The following PTPRJ variants were observed in gnomAD, a reference collection of about 807,000 sequenced individuals.
The protein encoded by PTPRJ is protein tyrosine phosphatase receptor type J.
PTPRJ carries 129 observed loss-of-function variants against 141.3 expected under a neutral mutation model. That is an observed-to-expected ratio of 0.91 (90% confidence interval 0.79 to 1.06). The LOEUF (loss-of-function observed/expected upper bound fraction) is 1.06. Among genes scored for constraint, PTPRJ ranks in the 50% least tolerant of loss-of-function variants. PTPRJ has a pLI of 0.00. For missense variants in PTPRJ, 1,601 were observed against 1,679.7 expected, an observed-to-expected ratio of 0.95 and a Z score of 0.82; for synonymous variants, 610 against 640.5, an observed-to-expected ratio of 0.95 and a Z score of 0.72.
chr11:48,086,477 A>G (rs1276234335), intron 1 of PTPRJ, among the ~76,000 whole-genome samples: 2 of 152,222 alleles, frequency 1.3e-5, no homozygotes, highest in Non-Finnish European at 2.9e-5. Context: ...CAGCCCAGAA[A>G]GGACATTTAT....
rs141422146 is a variant in PTPRJ, at chr11:48,127,443, CAT to C, written c.1094-336_1094-335del. ...TAGATCGCAGTGTTCGCTCTTGCATCATGTGTGTTTGACAACTTTTCTGGGTG... is the reference window on the plus strand; with the variant it reads ...TAGATCGCAGTGTTCGCTCTTGCATCGTGTGTTTGACAACTTTTCTGGGTG... On this transcript the variant is annotated intron_variant, in intron 6 of 24. Coordinates refer to ENST00000418331, the MANE Select transcript of PTPRJ (RefSeq NM_002843.4). Among the ~76,000 whole-genome samples, 1,278 of 152,284 alleles carry C rather than the reference CAT, an allele frequency of 8.4e-3. 22 individuals are homozygous for C. The highest frequency in any genetic ancestry group is 0.029 in the African/African-American group (1,208 of 41,554).
At chr11:48,118,277 G>T (rs959121440) in intron 3 of PTPRJ, among the ~76,000 whole-genome samples, 4 of 152,226 alleles carry the variant, frequency 2.6e-5, no homozygotes, top group African/African-American at 7.2e-5. Context: ...TAGAGATGGG[G>T]TCTCACTGTG....
At chr11:48,113,849 A>C (rs1856498419) in intron 3 of PTPRJ, among the ~76,000 whole-genome samples, 1 of 152,180 alleles carries the variant, frequency 6.6e-6, no homozygotes, top group Non-Finnish European at 1.5e-5. Context: ...CTAATACAGT[A>C]TGGTAAATAT....
chr11:48,024,406 C>T lies in PTPRJ; in HGVS notation c.96+43398C>T, dbSNP rs138536840. On this transcript the variant is annotated intron_variant, in intron 1 of 24. Coordinates refer to ENST00000418331, the MANE Select transcript of PTPRJ (RefSeq NM_002843.4). ...ACAGGCAGGGTTTCACCATATTGGT[C>T]GGGCTGGTCTCGAACTCCTGACCTC... is the stretch of plus-strand genomic sequence containing the variant. Among the ~76,000 whole-genome samples, 14 of 152,254 alleles carry T rather than the reference C, an allele frequency of 9.2e-5. No homozygotes were observed. In the East Asian group the frequency reaches 1.5e-3, roughly 17 times the overall value.
At chr11:48,149,713 C>A in intron 16 of PTPRJ, 1 of 530,252 alleles carries the variant, frequency 1.9e-6, no homozygotes, top group South Asian at 2.8e-5. Flanking sequence ...CCAATAAATA[C>A]GGATTTCTTG....
intron 1 of PTPRJ, among the ~76,000 whole-genome samples, chr11:48,084,409 C>T (rs1424957229): frequency 6.6e-6 from 1 of 152,180 alleles, no homozygotes; most frequent in African/African-American, 2.4e-5. Context: ...GTCTCGAACT[C>T]CTGACCTCAA....
intron 1 of PTPRJ, among the ~76,000 whole-genome samples, chr11:48,002,865 G>A (rs1180539851): frequency 6.6e-6 from 1 of 152,022 alleles, no homozygotes; most frequent in Admixed American, 6.6e-5. Context: ...GCTTCAAAAT[G>A]AGCTTGGTCA....
chr11:48,082,619 A>ATT (rs1251891205), intron 1 of PTPRJ, among the ~76,000 whole-genome samples: 12 of 120,130 alleles, frequency 1.0e-4, no homozygotes, highest in South Asian at 5.4e-4. Flanking sequence ...TGATATTGCT[A>ATT]TTTTTTTTTT....
rs192740358 is a variant in PTPRJ at position 48,131,815 on chromosome 11, C to T, written c.1615+1099C>T. Reference sequence around the variant, plus strand: ...TGTGGTCCAGGGCTCTCTAGGGATCCCTAGGTTCTTTCAAGGGGTCTCCAA... The same window carrying T: ...TGTGGTCCAGGGCTCTCTAGGGATCTCTAGGTTCTTTCAAGGGGTCTCCAA... On this transcript the variant is annotated intron_variant, in intron 8 of 24. Transcript: ENST00000418331. The T allele has an allele frequency of 1.4e-3, 494 of 344,304 alleles. 6 individuals carry two copies. Among genetic ancestry groups the T allele is most frequent in the Non-Finnish European group, 8.9e-4 (172 of 192,456 alleles). The allele number at this position is 344,304 out of a possible 1,614,324, so 21.3% of individuals were successfully genotyped here.
chr11:48,139,345 G>T lies in PTPRJ; in HGVS notation c.2153-141G>T, dbSNP rs890545658. ...ACCCAAGCTCACACAGTTTGGTGTT[G>T]CCCAATTTAGGGTCAGCCCCTGCCT... is the stretch of plus-strand genomic sequence containing the variant. On this transcript the variant is annotated intron_variant, in intron 10 of 24. Transcript: ENST00000418331. 8.5e-6 allele frequency: 7 copies of T among 821,254 alleles called. No homozygotes were observed. The Admixed American group carries it at 1.8e-4, about 21-fold the overall frequency. The allele number at this position is 821,254 out of a possible 1,614,324, so 50.9% of individuals were successfully genotyped here. A position where few individuals can be genotyped will look rare whatever the true frequency, so the allele number is the denominator to read the frequency against.
chr11:48,135,298 C>T (rs1429437116), intron 8 of PTPRJ, among the ~76,000 whole-genome samples: 1 of 151,356 alleles, frequency 6.6e-6, no homozygotes, highest in African/African-American at 2.4e-5. Flanking sequence ...CCTCAGCCTC[C>T]CAAGTAGCTG....
chr11:48,052,755 A>G (rs182734307), intron 1 of PTPRJ, among the ~76,000 whole-genome samples: 265 of 152,264 alleles, frequency 1.7e-3, no homozygotes, highest in African/African-American at 6.1e-3. Flanking sequence ...CGCCATTAAT[A>G]CATGTCCTTC....
intron 22 of PTPRJ, 141 bp downstream of exon 22, chr11:48,160,190 A>ATGTATGTATGT: frequency 8.4e-7 from 1 of 1,195,658 alleles, no homozygotes; most frequent in Non-Finnish European, 1.2e-6. Flanking sequence ...AGAACAGAAC[A>ATGTATGTATGT]ATCCATATGC....
intron 1 of PTPRJ, among the ~76,000 whole-genome samples, chr11:48,007,522 C>T (rs940393918): frequency 5.3e-5 from 8 of 152,172 alleles, no homozygotes; most frequent in African/African-American, 1.9e-4. Flanking sequence ...TGTGCCTCAG[C>T]CTCCTGAGTA....
intron 1 of PTPRJ, among the ~76,000 whole-genome samples, chr11:48,059,654 C>G (rs569369015): frequency 6.6e-6 from 1 of 152,180 alleles, no homozygotes; most frequent in Non-Finnish European, 1.5e-5. Flanking sequence ...CCTGCCCTCA[C>G]AGGGTTATGG....
rs1305363875 is a variant in PTPRJ, at chr11:48,137,139, A to G, written c.2010A>G (p.Ala670=). 3.1e-6 allele frequency: 5 copies of G among 1,613,008 alleles called. No individual in the cohort carries two copies. Among genetic ancestry groups the G allele is most frequent in the South Asian group, 1.1e-5 (1 of 91,062 alleles). ...AGAAGGCTGGAAATTCCAGCAACGC[A>G]ACACAAGTAGTCACGGACATTGGAA... is the stretch of plus-strand genomic sequence containing the variant. ...LIEKAGNSSN[A]TQVVTDIGIT... The change falls in exon 10 of 25, where the codon GCA becomes GCG. Residue 670 remains alanine, a synonymous_variant. Transcript: ENST00000418331.
At chr11:48,048,149 C>A (rs1179080155) in intron 1 of PTPRJ, among the ~76,000 whole-genome samples, 1 of 152,216 alleles carries the variant, frequency 6.6e-6, no homozygotes, top group Admixed American at 6.5e-5. Context: ...CTTCCTCCCA[C>A]CAAATGCTGC....
Position 47,980,610 on chromosome 11 carries a change from C to T in PTPRJ, c.-303C>T, listed in dbSNP as rs1853869717. 9 of 983,262 alleles carry T rather than the reference C, an allele frequency of 9.2e-6. No homozygotes were observed. The highest frequency in any genetic ancestry group is 1.8e-5 in the African/African-American group (1 of 56,880). 60.9% of individuals were successfully genotyped at this position (983,262 alleles called of 1,614,324 possible). Reference sequence around the variant, plus strand: ...AGGCAGCGGGAGCAGCCGCGGGAGCCGGGACCGGGTAGCCGCGCGCTGGGG... The same window carrying T: ...AGGCAGCGGGAGCAGCCGCGGGAGCTGGGACCGGGTAGCCGCGCGCTGGGG... On this transcript the variant is annotated 5_prime_UTR_variant, in exon 1 of 25. Coordinates refer to ENST00000418331, the MANE Select transcript of PTPRJ (RefSeq NM_002843.4).
Position 48,163,627 on chromosome 11 carries a change from A to G in PTPRJ, c.3719+9A>G. On this transcript the variant is annotated intron_variant, in intron 23 of 24. Transcript: ENST00000418331. Reference sequence around the variant, plus strand: ...ATTCTGGTGCATTGCAGGTACGCAGATGGCACGTCACGTGTGACAGATTTC... The same window carrying G: ...ATTCTGGTGCATTGCAGGTACGCAGGTGGCACGTCACGTGTGACAGATTTC... 6.2e-7 allele frequency: 1 copy of G among 1,608,314 alleles called. No homozygotes were observed. The highest frequency in any genetic ancestry group is 8.5e-7 in the Non-Finnish European group (1 of 1,174,712).
Sources: allele counts gnomAD v4.1 joint callset (sites outside exome capture counted in the v4.1 genomes callset), GRCh38; gene constraint gnomAD v4.1.1; transcripts MANE v1.5; gene names NCBI Gene and HGNC (gene_info 2026-07-23, HGNC 2026-07-21).